The following DAB2 variants were observed in gnomAD, a reference collection of about 807,000 sequenced individuals.
The protein encoded by DAB2 is DAB adaptor protein 2, also known as disabled homolog 2.
DAB2 carries 28 observed loss-of-function variants against 71.6 expected under a neutral mutation model. The observed-to-expected ratio is 0.39, with a 90% CI of 0.29 to 0.54. The LOEUF (loss-of-function observed/expected upper bound fraction) is 0.54. Ranked by LOEUF, DAB2 falls within the 20% of genes least tolerant of loss-of-function variation. The pLI is 0.68. For missense variants in DAB2, 867 were observed against 928.8 expected (o/e 0.93, Z 0.86); for synonymous variants, 345 against 339.7 (o/e 1.02, Z -0.17).
intron 1 of DAB2, among the ~76,000 whole-genome samples, chr5:39,394,949 G>A (rs547078564): frequency 6.6e-6 from 1 of 152,242 alleles, no homozygotes; most frequent in South Asian, 2.1e-4. Flanking sequence ...ATGATCCCCA[G>A]GGTTATCCAA....
intron 6 of DAB2, among the ~76,000 whole-genome samples, chr5:39,389,496 T>C (rs1327751749): frequency 1.3e-5 from 2 of 152,204 alleles, no homozygotes; most frequent in South Asian, 2.1e-4. Flanking sequence ...ATATTAAACA[T>C]AGTCCTGAGT....
At chr5:39,392,303 A>C (rs1298396518) in intron 4 of DAB2, 62 bp downstream of exon 4, 1 of 1,259,386 alleles carries the variant, frequency 7.9e-7, no homozygotes, top group Non-Finnish European at 1.2e-6. Flanking sequence ...CCGAAATTCA[A>C]GTAGCAAATT....
intron 3 of DAB2, among the ~76,000 whole-genome samples, chr5:39,393,026 G>A (rs1755272714): frequency 6.6e-6 from 1 of 152,150 alleles, no homozygotes; most frequent in Non-Finnish European, 1.5e-5. Flanking sequence ...TTGCCAGAAG[G>A]AAAAGGCATC....
Position 39,383,255 on chromosome 5 carries a change from A to G in DAB2, c.704T>C (p.Leu235Pro). Residue 235 changes from leucine to proline, a missense_variant, in exon 10 of 15, where the codon CTG becomes CCG. Leu to Pro is a moderately conservative substitution (Grantham distance 98). Transcript: ENST00000320816. ...LNSPTESKDILLVDLNSEIDT... is the reference protein window; with the variant it reads ...LNSPTESKDIPLVDLNSEIDT... ...GATTTCAGAGTTTAGATCCACTAAC[A>G]GGATATCTTTGCTTTCCTATCACAT... 1 of 1,606,610 alleles carries G rather than the reference A, an allele frequency of 6.2e-7. No homozygotes were observed. Among genetic ancestry groups the G allele is most frequent in the Middle Eastern group, 1.7e-4 (1 of 6,012 alleles).
In DAB2 at chr5:39,376,749, T is replaced by A. The variant is rs374360408; in HGVS notation, c.2038A>T (p.Ser680Cys). Reference sequence around the variant, plus strand: ...CTGTTGAAATAACTGGCAAAGGCACTCAAAGTCCCAGAAGAAGTCTGCTCT... The same window carrying A: ...CTGTTGAAATAACTGGCAAAGGCACACAAAGTCCCAGAAGAAGTCTGCTCT... ...KGEQTSSGTL[S>C]AFASYFNSKV... Residue 680 changes from serine to cysteine, a missense_variant, in exon 12 of 15, where the codon AGT (serine) becomes TGT (cysteine). Ser to Cys is a moderately radical substitution (Grantham distance 112). This residue lies in a region of DAB2 where 740 missense variants were observed against 734.3 expected (regional missense o/e 1.01). Coordinates refer to ENST00000320816, the MANE Select transcript of DAB2 (RefSeq NM_001343.4). The A allele has an allele frequency of 6.2e-7, 1 of 1,614,138 alleles. No homozygotes were observed.
Position 39,376,121 on chromosome 5 carries a change from A to C in DAB2, c.2138-15T>G. On this transcript the variant is annotated splice_polypyrimidine_tract_variant and intron_variant, in intron 12 of 14. Transcript: ENST00000320816. ...CTTTGGTGGTTCTAGAAGGTAAAAAATCCAGGCAATCAGTAGACAAGCTTT... is the reference window on the plus strand; with the variant it reads ...CTTTGGTGGTTCTAGAAGGTAAAAACTCCAGGCAATCAGTAGACAAGCTTT... 6.2e-7 allele frequency: 1 copy of C among 1,602,122 alleles called. No individual in the cohort carries two copies. The highest frequency in any genetic ancestry group is 8.5e-7 in the Non-Finnish European group (1 of 1,169,848).
chr5:39,382,602 G>A lies in DAB2; in HGVS notation c.1341+16C>T. On this transcript the variant is annotated intron_variant, in intron 10 of 14. Coordinates refer to ENST00000320816, the MANE Select transcript of DAB2 (RefSeq NM_001343.4). ...ACATGCACTCTGCTAATGGATATGT[G>A]GAGAAGACAATTCACCTTAGCAGTC... 6.2e-7 allele frequency: 1 copy of A among 1,607,230 alleles called. No individual in the cohort carries two copies. The highest frequency in any genetic ancestry group is 8.5e-7 in the Non-Finnish European group (1 of 1,174,572).
At chr5:39,379,614 G>A (rs773081829) in intron 11 of DAB2, among the ~76,000 whole-genome samples, 18 of 152,034 alleles carry the variant, frequency 1.2e-4, no homozygotes, top group Non-Finnish European at 2.4e-4. Flanking sequence ...AAGGAATAAG[G>A]AAAAAGGGGA....
chr5:39,383,313 T>C (rs1399579217), intron 9 of DAB2, 42 bp from the exon 10 acceptor site: 2 of 1,431,876 alleles, frequency 1.4e-6, no homozygotes, highest in Non-Finnish European at 1.9e-6. Flanking sequence ...TGTTAGTCCA[T>C]GTTGTGACTT....
At chr5:39,412,937 G>A (rs1755765338) in intron 1 of DAB2, among the ~76,000 whole-genome samples, 4 of 152,270 alleles carry the variant, frequency 2.6e-5, no homozygotes, top group South Asian at 4.1e-4. Flanking sequence ...ATAGCAATGC[G>A]TAAAAGATAT....
intron 1 of DAB2, among the ~76,000 whole-genome samples, chr5:39,398,086 A>C (rs1755409573): frequency 6.6e-6 from 1 of 152,196 alleles, no homozygotes; most frequent in Non-Finnish European, 1.5e-5. Flanking sequence ...TTGAAGCCGG[A>C]TATCATACTT....
chr5:39,420,397 C>A (rs1755952245), intron 1 of DAB2, among the ~76,000 whole-genome samples: 1 of 152,176 alleles, frequency 6.6e-6, no homozygotes, highest in South Asian at 2.1e-4. Flanking sequence ...GCTTCAAATC[C>A]AGCATTCTAG....
chr5:39,383,906 C>T lies in DAB2; in HGVS notation c.688-635G>A, dbSNP rs115226666. Among the ~76,000 whole-genome samples, 1,028 of 152,268 alleles carry T rather than the reference C, an allele frequency of 6.8e-3. 4 individuals carry two copies. The highest frequency in any genetic ancestry group is 0.01 in the Non-Finnish European group (702 of 68,018). On this transcript the variant is annotated intron_variant, in intron 9 of 14. Transcript: ENST00000320816. ...GGAGAGAGGCTTTTCTTTTATATCA[C>T]GGCCTTCAGGTATGTCTCTTAATAT...
At chr5:39,381,821 GTCT>G (rs966265278) in intron 10 of DAB2, among the ~76,000 whole-genome samples, 1 of 152,226 alleles carries the variant, frequency 6.6e-6, no homozygotes, top group African/African-American at 2.4e-5. Context: ...GGACTACTGA[GTCT>G]TAGTGTCTGA....
intron 12 of DAB2, among the ~76,000 whole-genome samples, chr5:39,376,426 T>G (rs1754832765): frequency 1.3e-5 from 2 of 152,120 alleles, no homozygotes; most frequent in African/African-American, 4.8e-5. Context: ...CTTTTAAGAT[T>G]TATCACTAGA....
At chr5:39,388,712 AC>A (rs1755154065) in intron 8 of DAB2, 86 bp downstream of exon 8, 2 of 1,084,928 alleles carry the variant, frequency 1.8e-6, no homozygotes, top group East Asian at 4.8e-5. Flanking sequence ...TAGATTCAAT[AC>A]AGATTTGGTA....
intron 14 of DAB2, 183 bp downstream of exon 14, chr5:39,374,831 T>C: frequency 1.7e-6 from 1 of 575,614 alleles, no homozygotes; most frequent in South Asian, 2.3e-5. Flanking sequence ...TTAGGAATTC[T>C]ATTCTTAAGT....
At chr5:39,411,364 G>A (rs1240874247) in intron 1 of DAB2, among the ~76,000 whole-genome samples, 1 of 152,108 alleles carries the variant, frequency 6.6e-6, no homozygotes, top group Non-Finnish European at 1.5e-5. Context: ...AGTCTCCTCT[G>A]TTCTCTGAAC....
In DAB2 at chr5:39,385,744, T is replaced by C. The variant is rs557960053; in HGVS notation, c.688-2473A>G. On this transcript the variant is annotated intron_variant, in intron 9 of 14. Coordinates refer to ENST00000320816, the MANE Select transcript of DAB2 (RefSeq NM_001343.4). ...GGCTAATCTCACCTAACCATTCCAG[T>C]TTGTCAGACTGAGGACTTCTCTACT... Among the ~76,000 whole-genome samples the C allele has an allele frequency of 3.9e-5, 6 of 152,256 alleles. No homozygotes were observed. In the East Asian group the frequency reaches 1.2e-3, roughly 29 times the overall value.
Sources: gnomAD v4.1 joint callset for allele counts (sites outside exome capture counted in the v4.1 genomes callset) on GRCh38, gnomAD v4.1.1 for gene constraint, gnomAD v4.1.1 regional missense constraint, MANE v1.5 for transcripts, NCBI Gene and HGNC (gene_info 2026-07-23, HGNC 2026-07-21) for gene names.